The following OR11H6 variants were observed in gnomAD, a reference collection of about 807,000 sequenced individuals.
OR11H6 encodes the protein olfactory receptor family 11 subfamily H member 6.
Under a neutral mutation model 9.2 loss-of-function variants are expected in OR11H6, and 4 were observed. That is an observed-to-expected ratio of 0.44 (90% CI 0.21 to 1.00). The LOEUF (loss-of-function observed/expected upper bound fraction) is 1.00. Ranked by LOEUF, OR11H6 falls within the 50% of genes least tolerant of loss-of-function variation. The pLI is 0.26. For missense variants in OR11H6, 381 were observed against 390.9 expected (o/e 0.97, Z 0.21); for synonymous variants, 136 against 148.9 (o/e 0.91, Z 0.63).
chr14:20,224,026 A>C lies in OR11H6; in HGVS notation c.317A>C (p.Glu106Ala). 6.2e-7 allele frequency: 1 copy of C among 1,614,078 alleles called. No homozygotes were observed. Among genetic ancestry groups the C allele is most frequent in the Non-Finnish European group, 8.5e-7 (1 of 1,179,960 alleles). Residue 106 changes from glutamate to alanine, a missense_variant, in exon 1 of 1, where the codon GAG (glutamate) becomes GCG (alanine). Transcript: ENST00000315519. The part of the protein sequence containing the change: ...VPNMLVNILS[E>A]IKTISFSGCF... ...AACATGCTAGTCAATATCCTCTCTG[A>C]GATTAAAACCATCTCCTTCTCTGGT...
chr14:20,224,211 G>T lies in OR11H6; in HGVS notation c.502G>T (p.Val168Leu), dbSNP rs765329894. Residue 168 changes from valine to leucine, a missense_variant, in exon 1 of 1, where the codon GTA (valine) becomes TTA (leucine). By Grantham distance (32) the Val-to-Leu change is conservative. Transcript: ENST00000315519. ...FCIILVCVCW[V>L]GGFLCYPVPI... is the part of the protein sequence containing the mutation. ...TATAATTCTGGTCTGTGTATGCTGGGTAGGCGGATTTCTCTGCTATCCAGT... is the reference window on the plus strand; with the variant it reads ...TATAATTCTGGTCTGTGTATGCTGGTTAGGCGGATTTCTCTGCTATCCAGT... The T allele has an allele frequency of 6.2e-7, 1 of 1,614,044 alleles. No homozygotes were observed. Among genetic ancestry groups the T allele is most frequent in the South Asian group, 1.1e-5 (1 of 91,074 alleles).
chr14:20,224,536 T>C lies in OR11H6; in HGVS notation c.827T>C (p.Met276Thr). ...CTATTCTATGGAACCCTTATGGTGA[T>C]GTATGTGAGCCCAACATCAGGGAAC... The part of the protein sequence containing the change: ...VSLFYGTLMV[M>T]YVSPTSGNPA... The change falls in exon 1 of 1, where the codon ATG becomes ACG. Residue 276 changes from methionine to threonine, a missense_variant. Transcript: ENST00000315519. The C allele has an allele frequency of 6.2e-7, 1 of 1,613,916 alleles. No homozygotes were observed. The highest frequency in any genetic ancestry group is 8.5e-7 in the Non-Finnish European group (1 of 1,179,794).
Position 20,223,924 on chromosome 14 carries a change from G to A in OR11H6, c.215G>A (p.Arg72Gln), listed in dbSNP as rs201233405. Reference protein sequence around the residue: ...AIVCAVKLDRRLHTPMYILLG... With the variant: ...AIVCAVKLDRQLHTPMYILLG... The stretch of plus-strand genomic sequence containing the variant: ...GTCTGTGCAGTGAAATTGGACAGGC[G>A]GCTCCACACACCCATGTACATCCTT... Residue 72 changes from arginine (R) to glutamine (Q), a missense_variant, in exon 1 of 1, where the codon CGG becomes CAG. Coordinates refer to ENST00000315519, the MANE Select transcript of OR11H6 (RefSeq NM_001004480.1). 4.5e-5 allele frequency: 73 copies of A among 1,613,996 alleles called. No individual in the cohort carries two copies. Among genetic ancestry groups the A allele is most frequent in the East Asian group, 2.5e-4 (11 of 44,872 alleles).
chr14:20,224,251 T>G lies in OR11H6; in HGVS notation c.542T>G (p.Ile181Ser). The change falls in exon 1 of 1, where the codon ATC (isoleucine) becomes AGC (serine). Residue 181 changes from isoleucine (I) to serine (S), a missense_variant. Physicochemically the swap from Ile to Ser is moderately radical, Grantham distance 142. Coordinates refer to ENST00000315519, the MANE Select transcript of OR11H6 (RefSeq NM_001004480.1). The stretch of plus-strand genomic sequence containing the variant: ...TGCTATCCAGTCCCTATTGTTCTTA[T>G]CTCCCAACTTCCCTTCTGTGGGCCC... Reference protein sequence around the residue: ...FLCYPVPIVLISQLPFCGPNI... With the variant: ...FLCYPVPIVLSSQLPFCGPNI... 1.2e-6 allele frequency: 2 copies of G among 1,614,102 alleles called. No individual in the cohort carries two copies. The highest frequency in any genetic ancestry group is 2.7e-5 in the African/African-American group (2 of 75,046).
chr14:20,224,525 C>G lies in OR11H6; in HGVS notation c.816C>G (p.Thr272=), dbSNP rs199510521. 13 of 1,613,772 alleles carry G rather than the reference C, an allele frequency of 8.1e-6. No individual in the cohort carries two copies. The highest frequency in any genetic ancestry group is 2.2e-5 in the East Asian group (1 of 44,892). ...HLMVVSLFYG[T]LMVMYVSPTS... ...TGGTGGTGTCTCTATTCTATGGAAC[C>G]CTTATGGTGATGTATGTGAGCCCAA... The change falls in exon 1 of 1, where the codon ACC becomes ACG. Residue 272 remains threonine (T), a synonymous_variant. Transcript: ENST00000315519.
Position 20,223,920 on chromosome 14 carries a change from A to T in OR11H6, c.211A>T (p.Arg71Trp), listed in dbSNP as rs1014922358. ...GAIVCAVKLD[R>W]RLHTPMYILL... is the part of the protein sequence containing the mutation. Reference sequence around the variant, plus strand: ...TATTGTCTGTGCAGTGAAATTGGACAGGCGGCTCCACACACCCATGTACAT... The same window carrying T: ...TATTGTCTGTGCAGTGAAATTGGACTGGCGGCTCCACACACCCATGTACAT... Residue 71 changes from arginine (R) to tryptophan (W), a missense_variant, in exon 1 of 1, where the codon AGG becomes TGG. Transcript: ENST00000315519. The T allele has an allele frequency of 1.2e-6, 2 of 1,614,072 alleles. No homozygotes were observed. Among genetic ancestry groups the T allele is most frequent in the South Asian group, 2.2e-5 (2 of 91,096 alleles).
chr14:20,223,854 A>T lies in OR11H6; in HGVS notation c.145A>T (p.Ile49Phe). The T allele has an allele frequency of 6.2e-7, 1 of 1,614,118 alleles. No individual in the cohort carries two copies. Among genetic ancestry groups the T allele is most frequent in the South Asian group, 1.1e-5 (1 of 91,082 alleles). The change falls in exon 1 of 1, where the codon ATC (isoleucine) becomes TTC (phenylalanine). Residue 49 changes from isoleucine (I) to phenylalanine (F), a missense_variant. By Grantham distance (21) the Ile-to-Phe change is conservative. Coordinates refer to ENST00000315519, the MANE Select transcript of OR11H6 (RefSeq NM_001004480.1). The part of the protein sequence containing the change: ...REMQSCFFSF[I>F]LVLYLLTLLG... ...GATGCAGAGCTGCTTCTTCTCATTC[A>T]TCCTGGTTCTCTATCTCCTGACACT...
In OR11H6 at chr14:20,223,956, A is replaced by C; in HGVS notation, c.247A>C (p.Asn83His). The change falls in exon 1 of 1, where the codon AAC (asparagine) becomes CAC (histidine). Residue 83 changes from asparagine to histidine, a missense_variant. By Grantham distance (68) the Asn-to-His change is moderately conservative (BLOSUM62 1). Coordinates refer to ENST00000315519, the MANE Select transcript of OR11H6 (RefSeq NM_001004480.1). The stretch of plus-strand genomic sequence containing the variant: ...CACACCCATGTACATCCTTCTGGGA[A>C]ACTTTGCCTTTCTAGAGATCTGGTA... ...LHTPMYILLG[N>H]FAFLEIWYIS... is the part of the protein sequence containing the mutation. The C allele has an allele frequency of 6.2e-7, 1 of 1,614,162 alleles. No homozygotes were observed. The highest frequency in any genetic ancestry group is 8.5e-7 in the Non-Finnish European group (1 of 1,180,006).
Position 20,224,513 on chromosome 14 carries a change from A to G in OR11H6, c.804A>G (p.Leu268=). The change falls in exon 1 of 1, where the codon CTA becomes CTG. Residue 268 remains leucine, a synonymous_variant. Coordinates refer to ENST00000315519, the MANE Select transcript of OR11H6 (RefSeq NM_001004480.1). ...TCGSHLMVVS[L]FYGTLMVMYV... is the part of the protein sequence containing the mutation. ...GGTCCCACCTAATGGTGGTGTCTCT[A>G]TTCTATGGAACCCTTATGGTGATGT... 6.2e-7 allele frequency: 1 copy of G among 1,613,998 alleles called. No homozygotes were observed. Among genetic ancestry groups the G allele is most frequent in the Non-Finnish European group, 8.5e-7 (1 of 1,179,896 alleles).
At position 20,223,889 on chromosome 14, in the gene OR11H6, T is replaced by C. The variant is rs761651971; in HGVS notation, c.180T>C (p.Asn60=). 6.2e-7 allele frequency: 1 copy of C among 1,614,084 alleles called. No individual in the cohort carries two copies. Among genetic ancestry groups the C allele is most frequent in the African/African-American group, 1.3e-5 (1 of 74,940 alleles). Residue 60 remains asparagine, a synonymous_variant, in exon 1 of 1, where the codon AAT becomes AAC. Coordinates refer to ENST00000315519, the MANE Select transcript of OR11H6 (RefSeq NM_001004480.1). ...LVLYLLTLLG[N]GAIVCAVKLD... ...TCTATCTCCTGACACTGCTAGGGAA[T>C]GGAGCTATTGTCTGTGCAGTGAAAT...
Position 20,224,373 on chromosome 14 carries a change from T to G in OR11H6, c.664T>G (p.Ser222Ala). 2 of 1,614,164 alleles carry G rather than the reference T, an allele frequency of 1.2e-6. No homozygotes were observed. The highest frequency in any genetic ancestry group is 1.7e-6 in the Non-Finnish European group (2 of 1,180,008). Residue 222 changes from serine (S) to alanine (A), a missense_variant, in exon 1 of 1, where the codon TCG (serine) becomes GCG (alanine). Transcript: ENST00000315519. ...STELICYTFN[S>A]MIIFGPFLSI... Reference sequence around the variant, plus strand: ...TGAGCTTATCTGTTACACCTTCAACTCGATGATTATCTTTGGGCCCTTCCT... The same window carrying G: ...TGAGCTTATCTGTTACACCTTCAACGCGATGATTATCTTTGGGCCCTTCCT...
Position 20,224,477 on chromosome 14 carries a change from C to T in OR11H6, c.768C>T (p.Phe256=). ...CTGGTGCTGGTCGAACTAAAGCTTT[C>T]TCCACATGTGGGTCCCACCTAATGG... is the stretch of plus-strand genomic sequence containing the variant. The part of the protein sequence containing the change: ...IPSGAGRTKA[F]STCGSHLMVV... Residue 256 remains phenylalanine, a synonymous_variant, in exon 1 of 1, where the codon TTC becomes TTT. Coordinates refer to ENST00000315519, the MANE Select transcript of OR11H6 (RefSeq NM_001004480.1). 6.2e-7 allele frequency: 1 copy of T among 1,614,126 alleles called. No homozygotes were observed. The highest frequency in any genetic ancestry group is 8.5e-7 in the Non-Finnish European group (1 of 1,179,978).
Position 20,224,660 on chromosome 14 carries a change from T to C in OR11H6, c.951T>C (p.Asp317=), listed in dbSNP as rs2138723542. The C allele has an allele frequency of 1.9e-6, 3 of 1,613,522 alleles. No individual in the cohort carries two copies. The highest frequency in any genetic ancestry group is 2.5e-6 in the Non-Finnish European group (3 of 1,179,668). Residue 317 remains aspartate, a synonymous_variant, in exon 1 of 1, where the codon GAT becomes GAC. Transcript: ENST00000315519. ...GTCTTCGAAACAAAGACATGAAAGA[T>C]GCTCTAAAGAGAGTCCTGGGGTTAA... ...IYSLRNKDMK[D]ALKRVLGLTV... is the part of the protein sequence containing the mutation.
chr14:20,223,869 C>T lies in OR11H6; in HGVS notation c.160C>T (p.Leu54Phe), dbSNP rs149861478. 2 of 1,614,176 alleles carry T rather than the reference C, an allele frequency of 1.2e-6. No homozygotes were observed. Among genetic ancestry groups the T allele is most frequent in the South Asian group, 2.2e-5 (2 of 91,084 alleles). ...CTTCTCATTCATCCTGGTTCTCTAT[C>T]TCCTGACACTGCTAGGGAATGGAGC... ...CFFSFILVLY[L>F]LTLLGNGAIV... The change falls in exon 1 of 1, where the codon CTC becomes TTC. Residue 54 changes from leucine to phenylalanine, a missense_variant. Transcript: ENST00000315519.
Position 20,224,632 on chromosome 14 carries a change from A to G in OR11H6, c.923A>G (p.Tyr308Cys), listed in dbSNP as rs1880376016. ...AMTPFLNPLI[Y>C]SLRNKDMKDA... ...ACTCCATTCTTAAATCCCCTTATCTATAGTCTTCGAAACAAAGACATGAAA... is the reference window on the plus strand; with the variant it reads ...ACTCCATTCTTAAATCCCCTTATCTGTAGTCTTCGAAACAAAGACATGAAA... Residue 308 changes from tyrosine to cysteine, a missense_variant, in exon 1 of 1, where the codon TAT becomes TGT. Tyr to Cys is a radical substitution (Grantham distance 194). Coordinates refer to ENST00000315519, the MANE Select transcript of OR11H6 (RefSeq NM_001004480.1). 18 of 1,613,580 alleles carry G rather than the reference A, an allele frequency of 1.1e-5. No individual in the cohort carries two copies. The highest frequency in any genetic ancestry group is 1.4e-5 in the Non-Finnish European group (17 of 1,179,620).
chr14:20,223,905 G>A lies in OR11H6; in HGVS notation c.196G>A (p.Ala66Thr). Residue 66 changes from alanine to threonine, a missense_variant, in exon 1 of 1, where the codon GCA becomes ACA. Physicochemically the swap from Ala to Thr is moderately conservative, Grantham distance 58 (BLOSUM62 0). Transcript: ENST00000315519. The part of the protein sequence containing the change: ...TLLGNGAIVC[A>T]VKLDRRLHTP... ...GCTAGGGAATGGAGCTATTGTCTGTGCAGTGAAATTGGACAGGCGGCTCCA... is the reference window on the plus strand; with the variant it reads ...GCTAGGGAATGGAGCTATTGTCTGTACAGTGAAATTGGACAGGCGGCTCCA... 6.2e-7 allele frequency: 1 copy of A among 1,614,110 alleles called. No individual in the cohort carries two copies. The highest frequency in any genetic ancestry group is 8.5e-7 in the Non-Finnish European group (1 of 1,179,996).
In OR11H6 at chr14:20,224,501, G is replaced by C; in HGVS notation, c.792G>C (p.Met264Ile). 1 of 1,614,004 alleles carries C rather than the reference G, an allele frequency of 6.2e-7. No individual in the cohort carries two copies. Among genetic ancestry groups the C allele is most frequent in the Non-Finnish European group, 8.5e-7 (1 of 1,179,908 alleles). ...KAFSTCGSHL[M>I]VVSLFYGTLM... is the part of the protein sequence containing the mutation. ...TCTCCACATGTGGGTCCCACCTAAT[G>C]GTGGTGTCTCTATTCTATGGAACCC... The change falls in exon 1 of 1, where the codon ATG (methionine) becomes ATC (isoleucine). Residue 264 changes from methionine to isoleucine, a missense_variant. Physicochemically the swap from Met to Ile is conservative, Grantham distance 10. Coordinates refer to ENST00000315519, the MANE Select transcript of OR11H6 (RefSeq NM_001004480.1).
In OR11H6 at chr14:20,224,308, G is replaced by T; in HGVS notation, c.599G>T (p.Gly200Val). 6.2e-7 allele frequency: 1 copy of T among 1,613,950 alleles called. No homozygotes were observed. The highest frequency in any genetic ancestry group is 1.1e-5 in the South Asian group (1 of 91,064). The change falls in exon 1 of 1, where the codon GGC becomes GTC. Residue 200 changes from glycine to valine, a missense_variant. Gly to Val is a moderately radical substitution (Grantham distance 109). Transcript: ENST00000315519. ...ATTGACCACTTGGTGTGTGACCCAG[G>T]CCCATTGTTTGCACTGGCCTGCATC... Reference protein sequence around the residue: ...NIIDHLVCDPGPLFALACISA... With the variant: ...NIIDHLVCDPVPLFALACISA...
In OR11H6 at chr14:20,223,863, C is replaced by A; in HGVS notation, c.154C>A (p.Leu52Ile). 6.2e-7 allele frequency: 1 copy of A among 1,614,146 alleles called. No homozygotes were observed. The highest frequency in any genetic ancestry group is 2.2e-5 in the East Asian group (1 of 44,888). Residue 52 changes from leucine (L) to isoleucine (I), a missense_variant, in exon 1 of 1, where the codon CTC becomes ATC. Transcript: ENST00000315519. ...QSCFFSFILVLYLLTLLGNGA... is the reference protein window; with the variant it reads ...QSCFFSFILVIYLLTLLGNGA... ...CTGCTTCTTCTCATTCATCCTGGTT[C>A]TCTATCTCCTGACACTGCTAGGGAA...
Sources: allele counts gnomAD v4.1 joint callset, GRCh38; gene constraint gnomAD v4.1.1; transcripts MANE v1.5; gene names NCBI Gene and HGNC (gene_info 2026-07-23, HGNC 2026-07-21).